The following SIN3A variants were observed in gnomAD, a reference collection of about 807,000 sequenced individuals.
The protein encoded by SIN3A is SIN3 transcription regulator family member A, also known as paired amphipathic helix protein Sin3a.
A neutral mutation model predicts 146.1 loss-of-function variants in SIN3A; 14 were observed. That is an observed-to-expected ratio of 0.10 (90% CI 0.06 to 0.15). The LOEUF is 0.15. Among genes scored for constraint, SIN3A ranks in the 10% least tolerant of loss-of-function variants. The probability of loss-of-function intolerance (pLI) is 1.00; values close to 1 mark genes in which losing one functional copy is unlikely to be tolerated. For synonymous variants in SIN3A, 572 were observed against 572.0 expected (o/e 1.00, Z 0.00); for missense variants, 1,028 against 1,576.0 (o/e 0.65, Z 5.89).
intron 20 of SIN3A, among the ~76,000 whole-genome samples, chr15:75,372,820 C>CA (rs370930119): frequency 0.39 from 30,532 of 79,134 alleles, 4,682 homozygotes; most frequent in Non-Finnish European, 0.46. Context: ...ACCCTGTCTC[C>CA]AAAAAAAAAA....
intron 3 of SIN3A, among the ~76,000 whole-genome samples, chr15:75,416,849 C>T (rs1049787539): frequency 2.0e-5 from 3 of 152,168 alleles, no homozygotes; most frequent in Non-Finnish European, 4.4e-5. Context: ...CTCAAAAGAG[C>T]AGTGGTTGCT....
intron 9 of SIN3A, 108 bp downstream of exon 9, chr15:75,406,947 A>C: frequency 1.5e-6 from 1 of 650,906 alleles, no homozygotes; most frequent in Non-Finnish European, 2.6e-6. Context: ...TAAAAAACAG[A>C]AAGTCCTAAT....
At chr15:75,373,104 TA>T (rs2072784409) in intron 20 of SIN3A, among the ~76,000 whole-genome samples, 1 of 152,098 alleles carries the variant, frequency 6.6e-6, no homozygotes, top group African/African-American at 2.4e-5. Flanking sequence ...ACACATTCAA[TA>T]AAAATTTATT....
rs1390076625 is a variant in SIN3A at position 75,407,159 on chromosome 15, T to C, written c.1318-15A>G. The C allele has an allele frequency of 5.2e-6, 8 of 1,552,898 alleles. No individual in the cohort carries two copies. The Admixed American group carries it at 8.5e-5, about 17-fold the overall frequency. On this transcript the variant is annotated splice_polypyrimidine_tract_variant and intron_variant, in intron 8 of 20. Coordinates refer to ENST00000394947, the MANE Select transcript of SIN3A (RefSeq NM_001145358.2). ...TTGGGTTTCTTCTGCAAAAGAAAGA[T>C]ACAAACATGTGAGATTCAACGAGTG... is the stretch of plus-strand genomic sequence containing the variant.
rs1235215187 is a variant in SIN3A at position 75,372,089 on chromosome 15, C to T, written c.3712G>A (p.Gly1238Arg). The T allele has an allele frequency of 6.2e-7, 1 of 1,614,188 alleles. No individual in the cohort carries two copies. Among genetic ancestry groups the T allele is most frequent in the Non-Finnish European group, 8.5e-7 (1 of 1,180,038 alleles). Residue 1238 changes from glycine (G) to arginine (R), a missense_variant, in exon 21 of 21, where the codon GGG (glycine) becomes AGG (arginine). Gly to Arg is a moderately radical substitution (Grantham distance 125). Transcript: ENST00000394947. Reference sequence around the variant, plus strand: ...GTACAGGGCACCAGGCCCTCCAGCCCCTCACCCATGAGCCACTTGCTGGTC... The same window carrying T: ...GTACAGGGCACCAGGCCCTCCAGCCTCTCACCCATGAGCCACTTGCTGGTC... Reference protein sequence around the residue: ...AETSKWLMGEGLEGLVPCTTT... With the variant: ...AETSKWLMGERLEGLVPCTTT...
Position 75,411,755 on chromosome 15 carries a change from AG to A in SIN3A, c.757-13del. The stretch of plus-strand genomic sequence containing the variant: ...TGCAGTTGGGAGGGCTAGAAAGAAA[AG>A]AAATCTTTATTCTCTTCAGATGCAT... On this transcript the variant is annotated splice_polypyrimidine_tract_variant and intron_variant, in intron 5 of 20. Coordinates refer to ENST00000394947, the MANE Select transcript of SIN3A (RefSeq NM_001145358.2). 1 of 1,568,544 alleles carries A rather than the reference AG, an allele frequency of 6.4e-7. No individual in the cohort carries two copies. The highest frequency in any genetic ancestry group is 8.6e-7 in the Non-Finnish European group (1 of 1,158,016).
At chr15:75,385,527 T>C (rs1297327144) in intron 16 of SIN3A, among the ~76,000 whole-genome samples, 3 of 152,236 alleles carry the variant, frequency 2.0e-5, no homozygotes, top group African/African-American at 7.2e-5. Context: ...TGTCATGCTA[T>C]TTCTATTTTG....
At chr15:75,417,784 G>A (rs1179457293) in intron 3 of SIN3A, among the ~76,000 whole-genome samples, 1 of 152,038 alleles carries the variant, frequency 6.6e-6, no homozygotes, top group Non-Finnish European at 1.5e-5. Flanking sequence ...TTCTTACATC[G>A]AAACTTAATC....
In SIN3A at chr15:75,407,113, G is replaced by A; in HGVS notation, c.1349C>T (p.Ser450Phe). ...ATGTTTGCTGGCATCTGCCATAGAAGAATCCTTCAGATTGAGCAGTTTGGG... is the reference window on the plus strand; with the variant it reads ...ATGTTTGCTGGCATCTGCCATAGAAAAATCCTTCAGATTGAGCAGTTTGGG... ...KKPKLLNLKDSSMADASKHGG... is the reference protein window; with the variant it reads ...KKPKLLNLKDFSMADASKHGG... Residue 450 changes from serine to phenylalanine, a missense_variant, in exon 9 of 21, where the codon TCT becomes TTT. Coordinates refer to ENST00000394947, the MANE Select transcript of SIN3A (RefSeq NM_001145358.2). 1 of 1,612,622 alleles carries A rather than the reference G, an allele frequency of 6.2e-7. No homozygotes were observed. Among genetic ancestry groups the A allele is most frequent in the Non-Finnish European group, 8.5e-7 (1 of 1,179,270 alleles).
intron 2 of SIN3A, among the ~76,000 whole-genome samples, chr15:75,428,497 T>G (rs1021570973): frequency 2.0e-5 from 3 of 152,088 alleles, no homozygotes; most frequent in Non-Finnish European, 2.9e-5. Context: ...ATTTATTTTT[T>G]CAAATTAATT....
chr15:75,439,635 G>A (rs893201587), intron 1 of SIN3A, among the ~76,000 whole-genome samples: 1 of 151,662 alleles, frequency 6.6e-6, no homozygotes, highest in Non-Finnish European at 1.5e-5. Context: ...GTGAGCCACC[G>A]CACCCGGCCA....
chr15:75,430,198 G>A lies in SIN3A; in HGVS notation c.178C>T (p.Pro60Ser). Residue 60 changes from proline (P) to serine (S), a missense_variant, in exon 2 of 21, where the codon CCC becomes TCC. This residue lies in a region of SIN3A where 152 missense variants were observed against 231.5 expected (regional missense o/e 0.66). Transcript: ENST00000394947. ...SATGIQYSVT[P>S]SYQVSAMPQS... ...TGGCTCCAGCTTACCTGGTAGCTGG[G>A]TGTTACAGAGTACTGAATTCCCGTA... 2 of 1,613,670 alleles carry A rather than the reference G, an allele frequency of 1.2e-6. No individual in the cohort carries two copies. Among genetic ancestry groups the A allele is most frequent in the Non-Finnish European group, 1.7e-6 (2 of 1,179,636 alleles).
At chr15:75,430,452 C>T in intron 1 of SIN3A, 44 bp from the exon 2 acceptor site, 2 of 1,445,302 alleles carry the variant, frequency 1.4e-6, no homozygotes, top group Admixed American at 2.4e-5. Flanking sequence ...ATTCTCACTC[C>T]AGTATGATGT....
intron 1 of SIN3A, among the ~76,000 whole-genome samples, chr15:75,440,643 T>A (rs1442359643): frequency 6.6e-6 from 1 of 152,124 alleles, no homozygotes; most frequent in Non-Finnish European, 1.5e-5. Context: ...TCAAATGTCA[T>A]GCATGAACTT....
chr15:75,410,369 A>C, intron 6 of SIN3A, 83 bp from the exon 7 acceptor site: 1 of 1,356,792 alleles, frequency 7.4e-7, no homozygotes, highest in Non-Finnish European at 1.0e-6. Context: ...AATCACTGTT[A>C]TCTATTTAGG....
intron 9 of SIN3A, 136 bp from the exon 10 acceptor site, chr15:75,402,106 C>T (rs1056741419): frequency 3.2e-6 from 2 of 630,268 alleles, no homozygotes; most frequent in Non-Finnish European, 2.8e-6. Flanking sequence ...CCTCAGCCTC[C>T]CAAGTAGCTG....
intron 4 of SIN3A, among the ~76,000 whole-genome samples, chr15:75,413,876 T>C (rs769111135): frequency 3.3e-5 from 5 of 152,222 alleles, no homozygotes; most frequent in Admixed American, 6.5e-5. Flanking sequence ...TCAGATGAGT[T>C]ACACTCTTAC....
intron 3 of SIN3A, among the ~76,000 whole-genome samples, chr15:75,418,395 G>A (rs1274377064): frequency 6.6e-6 from 1 of 151,246 alleles, no homozygotes; most frequent in Non-Finnish European, 1.5e-5. Flanking sequence ...GCACAAATTC[G>A]GCTCACTGCA....
At chr15:75,414,927 A>G (rs890812314) in intron 3 of SIN3A, among the ~76,000 whole-genome samples, 2 of 152,216 alleles carry the variant, frequency 1.3e-5, no homozygotes, top group Non-Finnish European at 2.9e-5. Flanking sequence ...TAGAAATCTG[A>G]AAACAGTTTA....
Sources: allele counts gnomAD v4.1 joint callset (sites outside exome capture counted in the v4.1 genomes callset), GRCh38; gene constraint gnomAD v4.1.1; regional missense constraint gnomAD v4.1.1; transcripts MANE v1.5; gene names NCBI Gene and HGNC (gene_info 2026-07-23, HGNC 2026-07-21).